The following SCHIP1 variants were observed in gnomAD, a reference collection of about 807,000 sequenced individuals.
The protein encoded by SCHIP1 is schwannomin interacting protein 1, also known as schwannomin-interacting protein 1.
A neutral mutation model predicts 29.7 loss-of-function variants in SCHIP1; 8 were observed. The ratio of observed to expected loss-of-function variants is 0.27; its 90% CI spans 0.16 to 0.49. The LOEUF (loss-of-function observed/expected upper bound fraction) is 0.49. SCHIP1 is among the 20% of genes least tolerant of loss of function. The pLI is 0.99. For synonymous variants in SCHIP1, 76 were observed against 94.9 expected, an observed-to-expected ratio of 0.80 and a Z score of 1.16; for missense variants, 193 against 294.6, an observed-to-expected ratio of 0.66 and a Z score of 2.52.
chr3:159,707,199 G>A, the SCHIP1 span, among the ~76,000 whole-genome samples: 2 of 152,170 alleles, frequency 1.3e-5, no homozygotes, highest in Non-Finnish European at 2.9e-5. Flanking sequence ...AGATCCAAAG[G>A]ATGTGTGGGA....
chr3:159,837,627 G>A (rs1322720169), upstream of SCHIP1, among the ~76,000 whole-genome samples: 7 of 152,204 alleles, frequency 4.6e-5, no homozygotes, highest in African/African-American at 1.4e-4. Flanking sequence ...GGGGGCTGAG[G>A]CGGAAGAATT....
chr3:159,498,821 T>C, the SCHIP1 span, among the ~76,000 whole-genome samples: 1 of 152,204 alleles, frequency 6.6e-6, no homozygotes, highest in East Asian at 1.9e-4. Context: ...GATCCTTAGA[T>C]GTCATTGATT....
At chr3:159,512,840 C>G in the SCHIP1 span, among the ~76,000 whole-genome samples, 1 of 152,202 alleles carries the variant, frequency 6.6e-6, no homozygotes, top group East Asian at 1.9e-4. Flanking sequence ...CAACTCCCCA[C>G]CACTGCCTCC....
At chr3:159,635,991 CT>C in the SCHIP1 span, among the ~76,000 whole-genome samples, 1 of 151,524 alleles carries the variant, frequency 6.6e-6, no homozygotes, top group Non-Finnish European at 1.5e-5. Flanking sequence ...AACCATTTTT[CT>C]TTTGAAAAAA....
At chr3:159,841,196 G>C (rs969067474) in intron 1 of SCHIP1, among the ~76,000 whole-genome samples, 2 of 152,188 alleles carry the variant, frequency 1.3e-5, no homozygotes, top group African/African-American at 4.8e-5. Flanking sequence ...AATATGTGCA[G>C]GCAAAATAGT....
the SCHIP1 span, among the ~76,000 whole-genome samples, chr3:159,767,281 A>G: frequency 6.6e-6 from 1 of 152,242 alleles, no homozygotes. Flanking sequence ...AGTGTATTGC[A>G]GGGAGTCATA....
the SCHIP1 span, among the ~76,000 whole-genome samples, chr3:159,812,262 C>T: frequency 1.8e-4 from 28 of 152,190 alleles, no homozygotes; most frequent in South Asian, 4.2e-4. Flanking sequence ...TGAGCCATCG[C>T]GCCCGGCCTG....
chr3:159,783,094 T>C, the SCHIP1 span, among the ~76,000 whole-genome samples: 1 of 152,244 alleles, frequency 6.6e-6, no homozygotes, highest in Non-Finnish European at 1.5e-5. Context: ...ATTCACTTAA[T>C]AGTCATTTAT....
At chr3:159,468,777 A>G in the SCHIP1 span, among the ~76,000 whole-genome samples, 2 of 127,350 alleles carry the variant, frequency 1.6e-5, no homozygotes, top group Non-Finnish European at 3.2e-5. Flanking sequence ...ATATATATAT[A>G]TTTTTTTTAG....
At chr3:159,592,768 G>T in the SCHIP1 span, among the ~76,000 whole-genome samples, 2 of 151,974 alleles carry the variant, frequency 1.3e-5, no homozygotes, top group Non-Finnish European at 2.9e-5. Context: ...TGTTGTCCTT[G>T]TGCAATGCAC....
chr3:159,626,220 A>C, the SCHIP1 span, among the ~76,000 whole-genome samples: 26 of 120,496 alleles, frequency 2.2e-4, 1 homozygote, highest in African/African-American at 1.2e-3. Context: ...ATATCTAGAT[A>C]TATATATATC....
chr3:159,483,061 A>T, the SCHIP1 span, among the ~76,000 whole-genome samples: 2 of 152,276 alleles, frequency 1.3e-5, no homozygotes, highest in African/African-American at 2.4e-5. Context: ...CCGACCAATT[A>T]GTTTAGCTGC....
At chr3:159,771,778 C>T in the SCHIP1 span, among the ~76,000 whole-genome samples, 12 of 151,322 alleles carry the variant, frequency 7.9e-5, no homozygotes, top group Non-Finnish European at 1.6e-4. Flanking sequence ...AGTTCTGGGG[C>T]TATCTATGTG....
At chr3:159,290,956 A>T in the SCHIP1 span, among the ~76,000 whole-genome samples, 1 of 152,118 alleles carries the variant, frequency 6.6e-6, no homozygotes, top group African/African-American at 2.4e-5. Flanking sequence ...TTTTATTTAT[A>T]AAATGTATAT....
the SCHIP1 span, among the ~76,000 whole-genome samples, chr3:159,833,754 C>G: frequency 6.6e-6 from 1 of 152,186 alleles, no homozygotes; most frequent in Non-Finnish European, 1.5e-5. Flanking sequence ...CCTTCAACTG[C>G]GAATTTTATG....
At chr3:159,792,736 A>G in the SCHIP1 span, among the ~76,000 whole-genome samples, 1 of 152,252 alleles carries the variant, frequency 6.6e-6, no homozygotes, top group African/African-American at 2.4e-5. Context: ...TTAAAAATTC[A>G]AATGCTTTAA....
At chr3:159,866,198 G>A (rs1225849310) in exon 2 of SCHIP1, 2 of 1,613,646 alleles carry the variant, frequency 1.2e-6, no homozygotes, top group South Asian at 1.1e-5. Flanking sequence ...TCAGACAGAA[G>A]TTGGCACTTG....
the SCHIP1 span, among the ~76,000 whole-genome samples, chr3:159,509,298 T>G: frequency 6.6e-6 from 1 of 152,188 alleles, no homozygotes; most frequent in Non-Finnish European, 1.5e-5. Context: ...AACCCCTGCC[T>G]TTTTTTGTTT....
At chr3:159,447,464 G>T in the SCHIP1 span, among the ~76,000 whole-genome samples, 1 of 152,158 alleles carries the variant, frequency 6.6e-6, no homozygotes, top group Admixed American at 6.5e-5. Flanking sequence ...ATACACGAGA[G>T]TCTGGGCTTT....
Sources: gnomAD v4.1 joint callset for allele counts (sites outside exome capture counted in the v4.1 genomes callset) on GRCh38, gnomAD v4.1.1 for gene constraint, MANE v1.5 for transcripts, NCBI Gene and HGNC (gene_info 2026-07-23, HGNC 2026-07-21) for gene names.